VPS13B: variants seen among roughly 807,000 people sequenced by gnomAD.
VPS13B encodes vacuolar protein sorting 13 homolog B, also known as intermembrane lipid transfer protein VPS13B.
VPS13B carries 285 observed loss-of-function variants against 426.4 expected under a neutral mutation model. The ratio of observed to expected loss-of-function variants is 0.67; its 90% CI spans 0.61 to 0.74. The LOEUF (loss-of-function observed/expected upper bound fraction) is 0.74, where lower values mean the gene tolerates loss of function less well. VPS13B is among the 30% of genes least tolerant of loss of function. The pLI, the probability that VPS13B is intolerant of heterozygous loss-of-function variation, is 0.00. For missense variants in VPS13B, 4,537 were observed against 4,782.6 expected, an observed-to-expected ratio of 0.95 and a Z score of 1.51; for synonymous variants, 1,676 against 1,676.4, an observed-to-expected ratio of 1.00 and a Z score of 0.01.
At chr8:99,045,296 G>A (rs1843176408) in intron 3 of VPS13B, among the ~76,000 whole-genome samples, 1 of 152,084 alleles carries the variant, frequency 6.6e-6, no homozygotes, top group South Asian at 2.1e-4. Flanking sequence ...GCGTTTCCCT[G>A]ATTATTAGTG....
intron 19 of VPS13B, among the ~76,000 whole-genome samples, chr8:99,288,998 A>G (rs915060634): frequency 4.0e-5 from 6 of 151,664 alleles, no homozygotes; most frequent in African/African-American, 1.2e-4. Flanking sequence ...GGAGTTTGAG[A>G]CCAGCCTGGA....
chr8:99,744,970 T>TAA (rs543436063), intron 39 of VPS13B, among the ~76,000 whole-genome samples: 3 of 147,146 alleles, frequency 2.0e-5, no homozygotes, highest in South Asian at 2.1e-4. Context: ...TAAAGTATAA[T>TAA]AAAAAAAAAA....
chr8:99,342,815 C>T (rs912333783), intron 19 of VPS13B, among the ~76,000 whole-genome samples: 9 of 149,940 alleles, frequency 6.0e-5, no homozygotes, highest in African/African-American at 2.2e-4. Context: ...TTTGAGGAAC[C>T]TCCATACCGT....
chr8:99,266,100 T>C (rs796124900), intron 17 of VPS13B, among the ~76,000 whole-genome samples: 1 of 152,152 alleles, frequency 6.6e-6, no homozygotes, highest in South Asian at 2.1e-4. Flanking sequence ...ATGTACATCA[T>C]AACTACAGAA....
intron 30 of VPS13B, among the ~76,000 whole-genome samples, chr8:99,550,241 T>A (rs904819435): frequency 4.3e-4 from 65 of 152,260 alleles, no homozygotes; most frequent in African/African-American, 1.3e-3. Context: ...CTTACTACTT[T>A]ACTAGCAGTT....
At chr8:99,074,038 G>A (rs1047057600) in intron 3 of VPS13B, among the ~76,000 whole-genome samples, 1 of 152,254 alleles carries the variant, frequency 6.6e-6, no homozygotes, top group Middle Eastern at 3.4e-3. Flanking sequence ...AAAGTACTGG[G>A]ATTACAGGTG....
At chr8:99,213,580 T>C (rs752501622) in intron 17 of VPS13B, among the ~76,000 whole-genome samples, 90 of 152,312 alleles carry the variant, frequency 5.9e-4, no homozygotes, top group Non-Finnish European at 1.2e-3. Flanking sequence ...CATACTTTTC[T>C]CTTCTCTGTA....
intron 7 of VPS13B, among the ~76,000 whole-genome samples, chr8:99,118,548 C>T (rs1487481823): frequency 4.6e-5 from 7 of 152,072 alleles, no homozygotes; most frequent in Non-Finnish European, 1.0e-4. Context: ...CCCCTTTCAC[C>T]TGCCTGCCTC....
At chr8:99,536,240 T>C (rs72674642) in intron 30 of VPS13B, among the ~76,000 whole-genome samples, 39,680 of 152,058 alleles carry the variant, frequency 0.26, 5,881 homozygotes, top group East Asian at 0.45. Flanking sequence ...CCAGCCACCG[T>C]GCCCGGCCTG....
chr8:99,657,973 A>C lies in VPS13B; in HGVS notation c.5909-3381A>C, dbSNP rs1374480812. On this transcript the variant is annotated intron_variant, in intron 34 of 61. Transcript: ENST00000357162. Reference sequence around the variant, plus strand: ...AATATAAGATATTATCAATTTTTTAAATTTATGCTAATCTATGGAAGAAAA... The same window carrying C: ...AATATAAGATATTATCAATTTTTTACATTTATGCTAATCTATGGAAGAAAA... 2.6e-5 allele frequency among the ~76,000 whole-genome samples: 4 copies of C among 152,122 alleles called. No homozygotes were observed. In the East Asian group the frequency reaches 7.7e-4, roughly 29 times the overall value.
At chr8:99,291,122 A>C (rs1819712421) in intron 19 of VPS13B, among the ~76,000 whole-genome samples, 1 of 152,126 alleles carries the variant, frequency 6.6e-6, no homozygotes, top group Admixed American at 6.6e-5. Flanking sequence ...GTCAATGGAG[A>C]GAATTACACA....
chr8:99,022,302 A>G (rs906890278), intron 2 of VPS13B, among the ~76,000 whole-genome samples: 4 of 150,278 alleles, frequency 2.7e-5, no homozygotes, highest in African/African-American at 9.8e-5. Flanking sequence ...GTCATGTGGG[A>G]TTTCATGTTG....
intron 17 of VPS13B, among the ~76,000 whole-genome samples, chr8:99,266,652 A>T (rs1818322627): frequency 1.3e-5 from 2 of 151,988 alleles, no homozygotes; most frequent in South Asian, 4.2e-4. Flanking sequence ...AGTGAGTTCT[A>T]GAGGGACGTG....
intron 16 of VPS13B, among the ~76,000 whole-genome samples, chr8:99,191,861 A>G (rs2132725153): frequency 6.6e-6 from 1 of 152,248 alleles, no homozygotes; most frequent in African/African-American, 2.4e-5. Context: ...TGCAAATGAA[A>G]GTGTACATTG....
intron 54 of VPS13B, among the ~76,000 whole-genome samples, chr8:99,848,516 G>A (rs1816098316): frequency 6.6e-6 from 1 of 152,134 alleles, no homozygotes; most frequent in Non-Finnish European, 1.5e-5. Flanking sequence ...CAAAGAAGCA[G>A]AGAATGAAGA....
intron 33 of VPS13B, among the ~76,000 whole-genome samples, chr8:99,600,026 A>G (rs1316635379): frequency 6.6e-6 from 1 of 152,158 alleles, no homozygotes; most frequent in Non-Finnish European, 1.5e-5. Context: ...TTTATTGTTT[A>G]CAAATTATAC....
intron 33 of VPS13B, among the ~76,000 whole-genome samples, chr8:99,625,806 A>G (rs943160325): frequency 6.6e-6 from 1 of 152,184 alleles, no homozygotes; most frequent in Non-Finnish European, 1.5e-5. Context: ...TGGTCACGCC[A>G]CTGTACTCCA....
intron 31 of VPS13B, among the ~76,000 whole-genome samples, chr8:99,565,497 A>G (rs1178218199): frequency 6.6e-6 from 1 of 152,136 alleles, no homozygotes; most frequent in Non-Finnish European, 1.5e-5. Context: ...GGTAACATTG[A>G]ATATGGGGAA....
chr8:99,022,774 T>G (rs1256209273), intron 2 of VPS13B, among the ~76,000 whole-genome samples: 1 of 152,196 alleles, frequency 6.6e-6, no homozygotes, highest in Non-Finnish European at 1.5e-5. Context: ...TCACTTTATA[T>G]ATCTTAAAGT....
Sources: allele counts gnomAD v4.1 joint callset (sites outside exome capture counted in the v4.1 genomes callset), GRCh38; gene constraint gnomAD v4.1.1; transcripts MANE v1.5; gene names NCBI Gene and HGNC (gene_info 2026-07-23, HGNC 2026-07-21).